CNNM2: variants seen among roughly 807,000 people sequenced by gnomAD.
CNNM2 encodes metal transporter CNNM2.
Under a neutral mutation model 66.9 loss-of-function variants are expected in CNNM2, and 12 were observed. The ratio of observed to expected loss-of-function variants is 0.18; its 90% CI spans 0.11 to 0.29. The LOEUF (loss-of-function observed/expected upper bound fraction) is 0.29, where lower values mean the gene tolerates loss of function less well. Among genes scored for constraint, CNNM2 ranks in the 10% least tolerant of loss-of-function variants. CNNM2 has a pLI of 1.00. For missense variants in CNNM2, 705 were observed against 1,167.7 expected, an observed-to-expected ratio of 0.60 and a Z score of 5.77; for synonymous variants, 557 against 501.8, an observed-to-expected ratio of 1.11 and a Z score of -1.47.
chr10:102,986,094 G>C (rs532104036), intron 1 of CNNM2, among the ~76,000 whole-genome samples: 3 of 152,250 alleles, frequency 2.0e-5, no homozygotes, highest in Middle Eastern at 3.4e-3. Flanking sequence ...GTTTTACTTA[G>C]AGAAAGTCAT....
chr10:102,919,503 C>T lies in CNNM2; in HGVS notation c.1023C>T (p.Gly341=). 3.7e-6 allele frequency: 6 copies of T among 1,612,830 alleles called. No homozygotes were observed. The highest frequency in any genetic ancestry group is 5.1e-6 in the Non-Finnish European group (6 of 1,180,040). ...TGCTCGACGACATCGCCGGCTCGGG[C>T]CTCGTGGCCGTGGTAGTCTCCACCA... ...TILLDDIAGS[G]LVAVVVSTIG... The change falls in exon 1 of 8, where the codon GGC becomes GGT. Residue 341 remains glycine, a synonymous_variant. Coordinates refer to ENST00000369878, the MANE Select transcript of CNNM2 (RefSeq NM_017649.5).
At chr10:103,061,341 T>C (rs932698480) in intron 4 of CNNM2, among the ~76,000 whole-genome samples, 14 of 152,132 alleles carry the variant, frequency 9.2e-5, no homozygotes, top group African/African-American at 2.9e-4. Flanking sequence ...TGCAGTGAGC[T>C]GAGATCGCGC....
chr10:103,036,076 A>G (rs1168211976), intron 1 of CNNM2, among the ~76,000 whole-genome samples: 1 of 152,122 alleles, frequency 6.6e-6, no homozygotes, highest in Non-Finnish European at 1.5e-5. Context: ...CCTTTGTGGT[A>G]TAGATCCTGA....
intron 4 of CNNM2, among the ~76,000 whole-genome samples, chr10:103,058,592 T>G (rs192264541): frequency 6.6e-6 from 1 of 152,350 alleles, no homozygotes; most frequent in Admixed American, 6.5e-5. Context: ...AAGTAAATCT[T>G]TTAAGATATT....
At chr10:103,035,356 T>C (rs1357431548) in intron 1 of CNNM2, among the ~76,000 whole-genome samples, 3 of 152,184 alleles carry the variant, frequency 2.0e-5, no homozygotes, top group Non-Finnish European at 4.4e-5. Flanking sequence ...ATCTTTTGTC[T>C]TAGCCATGTT....
At chr10:102,940,693 C>T (rs1267163729) in intron 1 of CNNM2, among the ~76,000 whole-genome samples, 1 of 151,374 alleles carries the variant, frequency 6.6e-6, no homozygotes, top group East Asian at 1.9e-4. Flanking sequence ...GCTGGGATTA[C>T]AGGTGTGAGC....
chr10:102,920,194 G>A (rs960390566), intron 1 of CNNM2, 93 bp downstream of exon 1: 1 of 1,609,836 alleles, frequency 6.2e-7, no homozygotes, highest in Non-Finnish European at 8.5e-7. Flanking sequence ...ACCCCCCAAG[G>A]CGAGTTGACC....
chr10:102,988,290 G>A (rs577407241), intron 1 of CNNM2, among the ~76,000 whole-genome samples: 1 of 152,080 alleles, frequency 6.6e-6, no homozygotes, highest in African/African-American at 2.4e-5. Flanking sequence ...GCAACAGAGC[G>A]AGGCTGTTTC....
intron 1 of CNNM2, among the ~76,000 whole-genome samples, chr10:102,967,452 C>G (rs539183041): frequency 6.6e-6 from 1 of 152,344 alleles, no homozygotes; most frequent in East Asian, 1.9e-4. Flanking sequence ...TCTCCAGCCT[C>G]TGGCAAACAC....
At position 103,083,128 on chromosome 10, in the gene CNNM2, C is replaced by T. The variant is rs1361973846; in HGVS notation, c.*5948C>T. ...CCTCCTCAGCCTTTATTCACTGTATCATAGTGTACAGGTCATGCATTTGAG... is the reference window on the plus strand; with the variant it reads ...CCTCCTCAGCCTTTATTCACTGTATTATAGTGTACAGGTCATGCATTTGAG... On this transcript the variant is annotated 3_prime_UTR_variant, in exon 8 of 8. Coordinates refer to ENST00000369878, the MANE Select transcript of CNNM2 (RefSeq NM_017649.5). 1.3e-5 allele frequency: 2 copies of T among 152,176 alleles called. No homozygotes were observed. The highest frequency in any genetic ancestry group is 4.8e-5 in the African/African-American group (2 of 41,438). 9.4% of individuals were successfully genotyped at this position (152,176 alleles called of 1,614,324 possible). A position where few individuals can be genotyped will look rare whatever the true frequency, so the allele number is the denominator to read the frequency against.
intron 1 of CNNM2, among the ~76,000 whole-genome samples, chr10:103,032,044 A>C (rs1037896598): frequency 1.3e-5 from 2 of 152,208 alleles, no homozygotes; most frequent in South Asian, 4.1e-4. Flanking sequence ...GGAGGGAGTG[A>C]GCACTGGGGC....
chr10:102,926,990 A>G (rs1050205834), intron 1 of CNNM2, among the ~76,000 whole-genome samples: 2 of 151,684 alleles, frequency 1.3e-5, no homozygotes, highest in South Asian at 4.2e-4. Flanking sequence ...AAGTGCTGGG[A>G]TTACAAGCAT....
intron 2 of CNNM2, 68 bp downstream of exon 2, chr10:103,049,918 T>C: frequency 6.7e-7 from 1 of 1,503,364 alleles, no homozygotes; most frequent in Non-Finnish European, 9.1e-7. Context: ...TTGTGAGTCT[T>C]CTGACGTTTC....
In CNNM2 at chr10:103,089,385, A is replaced by G. The variant is rs186463573; in HGVS notation, c.*12205A>G. On this transcript the variant is annotated 3_prime_UTR_variant, in exon 8 of 8. Transcript: ENST00000369878. ...ATACACTGACATACGGATGATTTTA[A>G]AAGTGTCACAAGCCACAGTGGAGCC... 1.3e-5 allele frequency: 4 copies of G among 309,052 alleles called. No homozygotes were observed. The Admixed American group carries it at 1.9e-4, about 15-fold the overall frequency. 19.1% of individuals were successfully genotyped at this position (309,052 alleles called of 1,614,324 possible). A position where few individuals can be genotyped will look rare whatever the true frequency, so the allele number is the denominator to read the frequency against.
intron 1 of CNNM2, among the ~76,000 whole-genome samples, chr10:102,998,027 T>A (rs2064036410): frequency 6.6e-6 from 1 of 152,188 alleles, no homozygotes; most frequent in African/African-American, 2.4e-5. Context: ...TCAAGTGTTT[T>A]TGTTTTTTTT....
intron 1 of CNNM2, among the ~76,000 whole-genome samples, chr10:102,973,539 G>T (rs1309106533): frequency 2.0e-5 from 3 of 149,660 alleles, no homozygotes; most frequent in Non-Finnish European, 4.4e-5. Flanking sequence ...TTTTGGTAGA[G>T]ACAAGGTCTT....
At chr10:103,059,397 A>G (rs879893687) in intron 4 of CNNM2, among the ~76,000 whole-genome samples, 13 of 152,258 alleles carry the variant, frequency 8.5e-5, no homozygotes, top group Admixed American at 2.0e-4. Flanking sequence ...TGATAGGAAT[A>G]TAATTGTAAA....
intron 1 of CNNM2, among the ~76,000 whole-genome samples, chr10:103,008,778 CAAAA>C (rs35992147): frequency 9.5e-6 from 1 of 105,750 alleles, no homozygotes; most frequent in South Asian, 3.3e-4. Context: ...GACCCTGTCT[CAAAA>C]AAAAAAAAAA....
chr10:102,997,147 C>T (rs767729249), intron 1 of CNNM2, among the ~76,000 whole-genome samples: 4 of 152,180 alleles, frequency 2.6e-5, no homozygotes, highest in Non-Finnish European at 5.9e-5. Flanking sequence ...TTTAGCTCTA[C>T]ATTTGATGAG....
Sources: allele counts gnomAD v4.1 joint callset (sites outside exome capture counted in the v4.1 genomes callset), GRCh38; gene constraint gnomAD v4.1.1; transcripts MANE v1.5; gene names NCBI Gene and HGNC (gene_info 2026-07-23, HGNC 2026-07-21).